The following MAGOH variants were observed in gnomAD, a reference collection of about 807,000 sequenced individuals.
The protein encoded by MAGOH is mago homolog, exon junction complex subunit.
A neutral mutation model predicts 20.9 loss-of-function variants in MAGOH; 3 were observed. That is an observed-to-expected ratio of 0.14 (90% CI 0.07 to 0.37). MAGOH has a LOEUF of 0.37. MAGOH is among the 10% of genes least tolerant of loss of function. MAGOH has a pLI of 1.00. For missense variants in MAGOH, 66 were observed against 178.1 expected (o/e 0.37, Z 3.58); for synonymous variants, 51 against 61.0 (o/e 0.84, Z 0.76).
At chr1:53,237,892 T>C (rs1317396602) in intron 1 of MAGOH, among the ~76,000 whole-genome samples, 3 of 152,022 alleles carry the variant, frequency 2.0e-5, no homozygotes, top group South Asian at 4.1e-4. Context: ...TGGTCTTCCT[T>C]ATGAGCTTCA....
At chr1:53,228,267 TA>T (rs1173042746) in intron 4 of MAGOH, among the ~76,000 whole-genome samples, 2 of 151,906 alleles carry the variant, frequency 1.3e-5, no homozygotes, top group African/African-American at 4.8e-5. Context: ...CTGTCTCTAC[TA>T]AAAATACAAA....
At chr1:53,227,846 G>C (rs150678428) in intron 4 of MAGOH, among the ~76,000 whole-genome samples, 4 of 152,122 alleles carry the variant, frequency 2.6e-5, no homozygotes, top group African/African-American at 9.6e-5. Context: ...GCCCGAGTTA[G>C]GAAAACTTTT....
At chr1:53,234,093 G>C (rs1645599403) in intron 2 of MAGOH, among the ~76,000 whole-genome samples, 1 of 152,188 alleles carries the variant, frequency 6.6e-6, no homozygotes, top group South Asian at 2.1e-4. Flanking sequence ...ATAGATTAGT[G>C]CTTTAGGAGA....
At chr1:53,238,309 G>T in intron 1 of MAGOH, 52 bp downstream of exon 1, 3 of 1,565,760 alleles carry the variant, frequency 1.9e-6, no homozygotes, top group Non-Finnish European at 2.6e-6. Context: ...CTCCCCACTC[G>T]CCGGCCCCCA....
intron 1 of MAGOH, among the ~76,000 whole-genome samples, chr1:53,237,520 C>T (rs1645618158): frequency 6.6e-6 from 1 of 150,762 alleles, no homozygotes; most frequent in East Asian, 2.0e-4. Flanking sequence ...ACTAAAAATA[C>T]AAAATTAGCC....
At chr1:53,227,996 CG>C (rs758291043) in intron 4 of MAGOH, among the ~76,000 whole-genome samples, 139 of 152,284 alleles carry the variant, frequency 9.1e-4, no homozygotes, top group Non-Finnish European at 1.6e-3. Context: ...ACCCTCAAAA[CG>C]TAAGAGCCAA....
chr1:53,235,661 C>T (rs781107761), intron 1 of MAGOH, 26 bp from the exon 2 acceptor site: 24 of 1,590,818 alleles, frequency 1.5e-5, no homozygotes, highest in Non-Finnish European at 1.9e-5. Context: ...ACAATTTCAA[C>T]GTATAATAAA....
intron 1 of MAGOH, among the ~76,000 whole-genome samples, 180 bp downstream of exon 1, chr1:53,238,181 T>C (rs1204024267): frequency 6.6e-5 from 10 of 152,192 alleles, no homozygotes; most frequent in Non-Finnish European, 4.4e-5. Flanking sequence ...CAGTCAACGT[T>C]TGCTGAATGG....
chr1:53,236,022 A>G (rs1292705556), intron 1 of MAGOH, among the ~76,000 whole-genome samples: 2 of 152,240 alleles, frequency 1.3e-5, no homozygotes, highest in East Asian at 3.8e-4. Context: ...TGAAAACTGT[A>G]GGATGCAGTT....
chr1:53,238,319 A>C (rs1483932773), intron 1 of MAGOH, 42 bp downstream of exon 1: 20 of 1,596,804 alleles, frequency 1.3e-5, no homozygotes, highest in Non-Finnish European at 1.7e-5. Flanking sequence ...GCCGGCCCCC[A>C]GGCCTGGTCC....
chr1:53,233,503 G>C, intron 3 of MAGOH, 39 bp downstream of exon 3: 2 of 1,448,286 alleles, frequency 1.4e-6, no homozygotes, highest in South Asian at 1.2e-5. Flanking sequence ...GGTCTTATTT[G>C]TAAGATTTCT....
chr1:53,232,715 G>A (rs964896419), intron 3 of MAGOH, among the ~76,000 whole-genome samples: 3 of 152,188 alleles, frequency 2.0e-5, no homozygotes, highest in African/African-American at 4.8e-5. Flanking sequence ...TTGGAAGCCC[G>A]GTAAAAGATA....
chr1:53,232,501 C>T (rs540276709), intron 3 of MAGOH, among the ~76,000 whole-genome samples: 4 of 152,156 alleles, frequency 2.6e-5, no homozygotes, highest in African/African-American at 4.8e-5. Context: ...TGATGGGAAG[C>T]GACTTCTTAG....
intron 2 of MAGOH, 166 bp from the exon 3 acceptor site, chr1:53,233,818 C>T (rs1645598101): frequency 1.8e-5 from 10 of 570,010 alleles, no homozygotes; most frequent in Non-Finnish European, 2.9e-5. Context: ...GTGAGGGACA[C>T]GGTCAGAAGT....
chr1:53,233,472 A>G (rs1201511669), intron 3 of MAGOH, 70 bp downstream of exon 3: 2 of 1,016,992 alleles, frequency 2.0e-6, no homozygotes, highest in Non-Finnish European at 3.0e-6. Context: ...AAAAGCTTTA[A>G]GTGGAGGAGG....
At chr1:53,228,264 T>C (rs1000201850) in intron 4 of MAGOH, among the ~76,000 whole-genome samples, 2 of 152,036 alleles carry the variant, frequency 1.3e-5, no homozygotes, top group African/African-American at 4.8e-5. Flanking sequence ...ACCCTGTCTC[T>C]ACTAAAAATA....
chr1:53,238,201 C>T (rs574670405), intron 1 of MAGOH, among the ~76,000 whole-genome samples, 160 bp downstream of exon 1: 12 of 152,340 alleles, frequency 7.9e-5, no homozygotes, highest in African/African-American at 2.9e-4. Flanking sequence ...GATAGAAAGA[C>T]CCCGTGGAGC....
intron 1 of MAGOH, among the ~76,000 whole-genome samples, chr1:53,236,354 T>C (rs1212392032): frequency 1.3e-5 from 2 of 152,212 alleles, no homozygotes; most frequent in African/African-American, 4.8e-5. Context: ...CTCTAATACT[T>C]TGATAAAGTC....
chr1:53,229,473 C>T (rs542880329), intron 3 of MAGOH, among the ~76,000 whole-genome samples: 2 of 152,214 alleles, frequency 1.3e-5, no homozygotes, highest in South Asian at 4.1e-4. Flanking sequence ...AGGCTGGTCT[C>T]GAACTCCTGA....
Sources: gnomAD v4.1 joint callset for allele counts (sites outside exome capture counted in the v4.1 genomes callset) on GRCh38, gnomAD v4.1.1 for gene constraint, MANE v1.5 for transcripts, NCBI Gene and HGNC (gene_info 2026-07-23, HGNC 2026-07-21) for gene names.